Variants in PCDH11X observed in about 807,000 individuals in gnomAD.
PCDH11X encodes protocadherin-11 X-linked.
In PCDH11X, 18 loss-of-function variants were observed where a neutral mutation model predicts 53.3. That is an observed-to-expected ratio of 0.34 (90% confidence interval 0.23 to 0.50). PCDH11X has a LOEUF of 0.50. Among genes scored for constraint, PCDH11X ranks in the 20% least tolerant of loss-of-function variants. The pLI is 0.98. For missense variants in PCDH11X, 570 were observed against 1,032.4 expected (o/e 0.55, Z 6.14); for synonymous variants, 279 against 393.3 (o/e 0.71, Z 3.44).
chrX:92,093,624 A>G (rs2064084227), intron 6 of PCDH11X, among the ~76,000 whole-genome samples: 1 of 111,637 alleles, frequency 9.0e-6, no homozygotes, highest in African/African-American at 3.3e-5. Context: ...ATACCTAATC[A>G]CTGTTCCCTC....
chrX:91,906,373 A>G (rs1941155393), intron 6 of PCDH11X, among the ~76,000 whole-genome samples: 1 of 109,816 alleles, frequency 9.1e-6, no homozygotes, highest in Non-Finnish European at 1.9e-5. Context: ...AATAAGAGAA[A>G]CAAGCTGAAT....
At chrX:91,902,116 G>A (rs146750733) in intron 6 of PCDH11X, among the ~76,000 whole-genome samples, 8,258 of 111,221 alleles carry the variant, frequency 0.074, 277 homozygotes, top group African/African-American at 0.12. Context: ...TTTTGTGGAG[G>A]CAATAAAAAA....
intron 6 of PCDH11X, among the ~76,000 whole-genome samples, chrX:92,189,314 GT>G (rs2066151702): frequency 9.0e-6 from 1 of 111,555 alleles, no homozygotes; most frequent in Admixed American, 9.6e-5. Context: ...GTGGTGTGTG[GT>G]TTTCTGTTCC....
At chrX:91,972,027 T>A (rs1052463118) in intron 6 of PCDH11X, among the ~76,000 whole-genome samples, 1 of 111,238 alleles carries the variant, frequency 9.0e-6, no homozygotes, top group Non-Finnish European at 1.9e-5. Context: ...AATAACAACA[T>A]ACTTGAAAAT....
chrX:92,289,398 G>A (rs1164956692), intron 8 of PCDH11X, among the ~76,000 whole-genome samples: 1 of 111,385 alleles, frequency 9.0e-6, no homozygotes, highest in Non-Finnish European at 1.9e-5. Flanking sequence ...TAAAGCAAGG[G>A]CTAAAACGTA....
At chrX:92,065,616 T>A (rs2063596663) in intron 6 of PCDH11X, among the ~76,000 whole-genome samples, 1 of 112,113 alleles carries the variant, frequency 8.9e-6, no homozygotes, top group East Asian at 2.8e-4. Flanking sequence ...ATCAATGATG[T>A]TGAGCACTTT....
intron 7 of PCDH11X, among the ~76,000 whole-genome samples, chrX:92,202,012 G>A (rs2066399198): frequency 9.0e-6 from 1 of 111,419 alleles, no homozygotes; most frequent in African/African-American, 3.3e-5. Context: ...TTATTAAAAA[G>A]TTTCAGAGCA....
chrX:92,122,365 A>G (rs2064786517), intron 6 of PCDH11X, among the ~76,000 whole-genome samples: 1 of 111,276 alleles, frequency 9.0e-6, no homozygotes, highest in Admixed American at 9.6e-5. Context: ...TAATGAAACT[A>G]TTTGGGAAAC....
chrX:92,608,493 GTT>G (rs1034391715), intron 10 of PCDH11X, among the ~76,000 whole-genome samples: 5 of 109,685 alleles, frequency 4.6e-5, no homozygotes, highest in Non-Finnish European at 7.6e-5. Context: ...TTGTCCTATG[GTT>G]TCTGTAAATA....
intron 7 of PCDH11X, among the ~76,000 whole-genome samples, chrX:92,257,513 C>G (rs890497303): frequency 8.9e-6 from 1 of 112,092 alleles, no homozygotes; most frequent in African/African-American, 3.2e-5. Context: ...TCCCTTCTGT[C>G]TATGACCCTG....
At chrX:92,560,027 C>T (rs183348284) in intron 10 of PCDH11X, among the ~76,000 whole-genome samples, 100 of 111,056 alleles carry the variant, frequency 9.0e-4, no homozygotes, top group African/African-American at 2.8e-3. Flanking sequence ...CAGTGCAGCT[C>T]GCAACAATAA....
chrX:92,443,248 A>G (rs1246511211), intron 9 of PCDH11X, among the ~76,000 whole-genome samples: 1 of 111,584 alleles, frequency 9.0e-6, no homozygotes, highest in Non-Finnish European at 1.9e-5. Flanking sequence ...TCTGATGATT[A>G]GTGATATGGA....
intron 10 of PCDH11X, among the ~76,000 whole-genome samples, chrX:92,528,782 AGTT>A (rs1439667853): frequency 8.9e-6 from 1 of 111,793 alleles, no homozygotes; most frequent in East Asian, 2.8e-4. Flanking sequence ...AAGAACATTC[AGTT>A]GTCTTTTAAA....
chrX:92,509,367 A>G (rs1422608514), intron 10 of PCDH11X, among the ~76,000 whole-genome samples: 1 of 109,779 alleles, frequency 9.1e-6, no homozygotes, highest in Non-Finnish European at 1.9e-5. Context: ...CTAGACATAT[A>G]ATTTCTTCAA....
In PCDH11X at chrX:92,618,830, C is replaced by T; in HGVS notation, c.3934C>T (p.His1312Tyr). The T allele has an allele frequency of 1.7e-6, 2 of 1,211,973 alleles. No individual in the cohort carries two copies. Among genetic ancestry groups the T allele is most frequent in the Middle Eastern group, 2.3e-4 (1 of 4,347 alleles). The change falls in exon 11 of 11, where the codon CAT (histidine) becomes TAT (tyrosine). Residue 1312 changes from histidine (H) to tyrosine (Y), a missense_variant. Physicochemically the swap from His to Tyr is moderately conservative, Grantham distance 83. Coordinates refer to ENST00000682573, the MANE Select transcript of PCDH11X (RefSeq NM_032968.5). ...SQFYTMSERL[H>Y]PSDDSIKVIP... Reference sequence around the variant, plus strand: ...GTTTTACACCATGTCTGAAAGACTTCATCCCAGTGATGATTCAATTAAAGT... The same window carrying T: ...GTTTTACACCATGTCTGAAAGACTTTATCCCAGTGATGATTCAATTAAAGT...
chrX:92,276,456 A>G (rs1302232280), intron 8 of PCDH11X, among the ~76,000 whole-genome samples: 1 of 110,247 alleles, frequency 9.1e-6, no homozygotes, highest in Non-Finnish European at 1.9e-5. Flanking sequence ...GATGGGACAC[A>G]GCTTAGGAGG....
In PCDH11X at chrX:92,293,479, C is replaced by G. The variant is rs369547567; in HGVS notation, c.3144+30336C>G. Among the ~76,000 whole-genome samples the G allele has an allele frequency of 5.5e-3, 604 of 109,298 alleles. 7 individuals are homozygous for G. Among genetic ancestry groups the G allele is most frequent in the African/African-American group, 0.019 (570 of 29,563 alleles). The allele number at this position is 109,298 out of a possible 115,157, so 94.9% of individuals were successfully genotyped here. On this transcript the variant is annotated intron_variant, in intron 8 of 10. Coordinates refer to ENST00000682573, the MANE Select transcript of PCDH11X (RefSeq NM_032968.5). ...CTCTACAAAAAATACAAAAAATTAG[C>G]CGGGCGTGGTAGCGGGCGCCTGTAG...
intron 10 of PCDH11X, among the ~76,000 whole-genome samples, chrX:92,590,663 G>A (rs2556764): frequency 2.1e-4 from 23 of 111,911 alleles, no homozygotes; most frequent in Admixed American, 7.6e-4. Flanking sequence ...TCAGATGGGG[G>A]AACTATCTCC....
chrX:92,216,028 G>T (rs1384785949), intron 7 of PCDH11X, among the ~76,000 whole-genome samples: 17 of 110,483 alleles, frequency 1.5e-4, no homozygotes, highest in African/African-American at 5.6e-4. Context: ...CAAACAGAAA[G>T]GACATCCACA....
Sources: gnomAD v4.1 joint callset for allele counts (sites outside exome capture counted in the v4.1 genomes callset) on GRCh38, gnomAD v4.1.1 for gene constraint, MANE v1.5 for transcripts, NCBI Gene and HGNC (gene_info 2026-07-23, HGNC 2026-07-21) for gene names.